Variants in GRIP1 observed in about 807,000 individuals in gnomAD.
GRIP1 encodes glutamate receptor-interacting protein 1.
In GRIP1, 45 loss-of-function variants were observed where a neutral mutation model predicts 129.9. The ratio of observed to expected loss-of-function variants is 0.35; its 90% confidence interval spans 0.27 to 0.44. The LOEUF is 0.44. GRIP1 is among the 20% of genes least tolerant of loss of function. The probability of loss-of-function intolerance (pLI) is 1.00; values close to 1 mark genes in which losing one functional copy is unlikely to be tolerated. For missense variants in GRIP1, 1,196 were observed against 1,396.8 expected (o/e 0.86, Z 2.29); for synonymous variants, 530 against 520.8 (o/e 1.02, Z -0.24).
intron 19 of GRIP1, 134 bp downstream of exon 19, chr12:66,392,174 C>A: frequency 1.5e-6 from 1 of 670,440 alleles, no homozygotes. Flanking sequence ...TCAATGTGTT[C>A]AATATGATTA....
chr12:66,688,030 C>T (rs370432077), intron 1 of GRIP1, among the ~76,000 whole-genome samples: 29 of 152,280 alleles, frequency 1.9e-4, no homozygotes, highest in African/African-American at 6.5e-4. Context: ...TTGAATCATA[C>T]CAAGACAGAG....
intron 1 of GRIP1, among the ~76,000 whole-genome samples, chr12:66,871,673 C>G (rs1279553142): frequency 6.6e-6 from 1 of 152,068 alleles, no homozygotes; most frequent in Non-Finnish European, 1.5e-5. Context: ...CAGTGGATGC[C>G]TACTCCATGC....
At chr12:66,970,283 T>C (rs1207963238) in intron 1 of GRIP1, among the ~76,000 whole-genome samples, 1 of 152,176 alleles carries the variant, frequency 6.6e-6, no homozygotes, top group East Asian at 1.9e-4. Flanking sequence ...GGTTTTACCA[T>C]GTTGCCCAGG....
At chr12:66,491,853 A>G (rs541597283) in intron 7 of GRIP1, among the ~76,000 whole-genome samples, 1 of 152,360 alleles carries the variant, frequency 6.6e-6, no homozygotes, top group South Asian at 2.1e-4. Flanking sequence ...AGTATATTAC[A>G]CATGGTGGCT....
intron 1 of GRIP1, among the ~76,000 whole-genome samples, chr12:66,655,606 C>CTTT (rs1173143521): frequency 2.3e-4 from 27 of 118,016 alleles, no homozygotes; most frequent in African/African-American, 2.6e-4. Flanking sequence ...TTTTTTTGTA[C>CTTT]TTTTTTTTTT....
chr12:66,365,662 G>C (rs2055095881), intron 23 of GRIP1, among the ~76,000 whole-genome samples: 2 of 152,172 alleles, frequency 1.3e-5, no homozygotes, highest in South Asian at 4.1e-4. Context: ...GAGAGAATTT[G>C]CTGGTCAAAC....
At chr12:66,664,662 G>A (rs1055498786) in intron 1 of GRIP1, among the ~76,000 whole-genome samples, 20 of 152,032 alleles carry the variant, frequency 1.3e-4, no homozygotes, top group Admixed American at 1.2e-3. Flanking sequence ...CATTAAGCTG[G>A]GTTAATAAAT....
At chr12:67,068,409 G>A (rs948632799) in intron 1 of GRIP1, among the ~76,000 whole-genome samples, 1 of 152,078 alleles carries the variant, frequency 6.6e-6, no homozygotes, top group Non-Finnish European at 1.5e-5. Context: ...CTGCGCTGGG[G>A]CATAACTCAT....
upstream of GRIP1, chr12:66,679,099 C>G: frequency 6.7e-7 from 1 of 1,481,520 alleles, no homozygotes; most frequent in Non-Finnish European, 9.0e-7. Flanking sequence ...TCATTCACTA[C>G]TACTACCACC....
At chr12:66,413,978 C>G (rs1027488673) in intron 15 of GRIP1, among the ~76,000 whole-genome samples, 1 of 152,090 alleles carries the variant, frequency 6.6e-6, no homozygotes, top group African/African-American at 2.4e-5. Flanking sequence ...AGGACAAACC[C>G]ATAGCCAATA....
chr12:66,937,934 T>G (rs907115049), intron 1 of GRIP1, among the ~76,000 whole-genome samples: 2 of 152,130 alleles, frequency 1.3e-5, no homozygotes, highest in African/African-American at 2.4e-5. Context: ...ATAGTAACAA[T>G]TAGACATAAG....
chr12:66,947,765 G>T (rs2041695035), intron 1 of GRIP1, among the ~76,000 whole-genome samples: 1 of 152,218 alleles, frequency 6.6e-6, no homozygotes, highest in African/African-American at 2.4e-5. Context: ...TCCTGCGACA[G>T]GCTATTTCTG....
intron 1 of GRIP1, among the ~76,000 whole-genome samples, chr12:66,605,031 A>G (rs1303352357): frequency 9.7e-5 from 14 of 144,958 alleles, no homozygotes; most frequent in Admixed American, 4.9e-4. Flanking sequence ...TAACTAATGA[A>G]TATGAAATTC....
chr12:66,766,959 T>C (rs2136698764), intron 1 of GRIP1, among the ~76,000 whole-genome samples: 1 of 152,294 alleles, frequency 6.6e-6, no homozygotes, highest in Non-Finnish European at 1.5e-5. Context: ...CTACTTCCCC[T>C]TTTCCACTGG....
chr12:66,819,280 A>G lies in GRIP1; in HGVS notation c.59-222353T>C, dbSNP rs551960918. Among the ~76,000 whole-genome samples the G allele has an allele frequency of 1.4e-4, 22 of 152,338 alleles. No individual in the cohort carries two copies. The South Asian group carries it at 4.6e-3, about 32-fold the overall frequency. On this transcript the variant is annotated intron_variant, in intron 1 of 1. Transcript: ENST00000643019. ...AAGCTCAGTAGATGGAAATTTTTAC[A>G]AAGTTTTAAAATCAACTAGAGCAAT...
At chr12:66,592,764 T>C (rs1274256515) in intron 2 of GRIP1, among the ~76,000 whole-genome samples, 2 of 152,156 alleles carry the variant, frequency 1.3e-5, no homozygotes, top group Non-Finnish European at 2.9e-5. Flanking sequence ...TATTGCAAAA[T>C]ATGCCAAACT....
At position 66,521,803 on chromosome 12, in the gene GRIP1, T is replaced by G. The variant is rs1242752606; in HGVS notation, c.503-3827A>C. Among the ~76,000 whole-genome samples, 4 of 152,212 alleles carry G rather than the reference T, an allele frequency of 2.6e-5. No homozygotes were observed. In the East Asian group the frequency reaches 5.8e-4, roughly 22 times the overall value. ...CTGGAAAATCGGGTCACTCCCACCC[T>G]AATACTGAGCTTTTCCAACGGGCTT... On this transcript the variant is annotated intron_variant, in intron 5 of 24. Transcript: ENST00000359742.
rs976008986 is a variant in GRIP1, at chr12:66,517,922, C to T, written c.557G>A (p.Arg186His). ...KSRPVVITCVRPGGPADREGT... is the reference protein window; with the variant it reads ...KSRPVVITCVHPGGPADREGT... ...TTACCTGTCAGCAGGCCCTCCAGGA[C>T]GAACACATGTTATCACAACTGGACG... is the stretch of plus-strand genomic sequence containing the variant. Residue 186 changes from arginine to histidine, a missense_variant, in exon 6 of 25, where the codon CGT (arginine) becomes CAT (histidine). Physicochemically the swap from Arg to His is conservative, Grantham distance 29. Coordinates refer to ENST00000359742, the MANE Select transcript of GRIP1 (RefSeq NM_001366722.1). 5 of 1,585,742 alleles carry T rather than the reference C, an allele frequency of 3.2e-6. No homozygotes were observed. Among genetic ancestry groups the T allele is most frequent in the South Asian group, 2.2e-5 (2 of 90,502 alleles).
chr12:66,699,982 G>C (rs1035956558), intron 1 of GRIP1, among the ~76,000 whole-genome samples: 1 of 152,086 alleles, frequency 6.6e-6, no homozygotes, highest in African/African-American at 2.4e-5. Context: ...CTCCTGGGAG[G>C]GGCAAGTCAG....
Sources: gnomAD v4.1 joint callset for allele counts (sites outside exome capture counted in the v4.1 genomes callset) on GRCh38, gnomAD v4.1.1 for gene constraint, MANE v1.5 for transcripts, NCBI Gene and HGNC (gene_info 2026-07-23, HGNC 2026-07-21) for gene names.